FAM53A: variants seen among roughly 807,000 people sequenced by gnomAD.
FAM53A encodes protein FAM53A.
In FAM53A, 28 loss-of-function variants were observed where a neutral mutation model predicts 26.6. That is an observed-to-expected ratio of 1.05 (90% confidence interval 0.78 to 1.45). The LOEUF is 1.45. Among genes scored for constraint, FAM53A ranks in the 40% most tolerant of loss-of-function variants. The pLI, the probability that FAM53A is intolerant of heterozygous loss-of-function variation, is 0.00. For missense variants in FAM53A, 650 were observed against 575.8 expected (o/e 1.13, Z -1.32); for synonymous variants, 290 against 253.1 (o/e 1.15, Z -1.38).
chr4:1,650,452 G>A (rs1712676612), intron 4 of FAM53A, among the ~76,000 whole-genome samples: 1 of 152,088 alleles, frequency 6.6e-6, no homozygotes, highest in African/African-American at 2.4e-5. Context: ...ACTGTGAGGT[G>A]GCACAGGCGT....
At chr4:1,679,941 C>T (rs1484044012) in intron 1 of FAM53A, among the ~76,000 whole-genome samples, 1 of 149,762 alleles carries the variant, frequency 6.7e-6, no homozygotes, top group Non-Finnish European at 1.5e-5. Context: ...CGCAGCTACT[C>T]GGGAGGATGA....
intron 3 of FAM53A, among the ~76,000 whole-genome samples, chr4:1,657,045 C>T (rs781186510): frequency 2.4e-4 from 36 of 152,240 alleles, no homozygotes; most frequent in Non-Finnish European, 3.2e-4. Context: ...TGCCATGGCA[C>T]GCTCCAGCTG....
chr4:1,651,699 C>A (rs187015751), intron 4 of FAM53A, among the ~76,000 whole-genome samples: 2 of 151,882 alleles, frequency 1.3e-5, no homozygotes, highest in Admixed American at 6.6e-5. Flanking sequence ...GGGTGACCAG[C>A]GCTTGCATGG....
Position 1,641,616 on chromosome 4 carries a change from GA to G in FAM53A, c.883-10del, listed in dbSNP as rs1457889578. 1 of 1,613,894 alleles carries G rather than the reference GA, an allele frequency of 6.2e-7. No individual in the cohort carries two copies. Among genetic ancestry groups the G allele is most frequent in the Non-Finnish European group, 8.5e-7 (1 of 1,179,868 alleles). On this transcript the variant is annotated splice_polypyrimidine_tract_variant and intron_variant, in intron 4 of 4. Coordinates refer to ENST00000308132, the MANE Select transcript of FAM53A (RefSeq NM_001174070.3). The stretch of plus-strand genomic sequence containing the variant: ...TTTGAATTTTTTAAAGTCTGCAATA[GA>G]AAAGATACGGGCTTAAAGCATTTCT...
At chr4:1,612,329 G>A in the FAM53A span, among the ~76,000 whole-genome samples, 29 of 152,274 alleles carry the variant, frequency 1.9e-4, no homozygotes, top group South Asian at 2.7e-3. Flanking sequence ...ACACCAGGTC[G>A]TGCAAGACCT....
At chr4:1,666,581 G>A (rs1325514344) in intron 2 of FAM53A, among the ~76,000 whole-genome samples, 1 of 152,240 alleles carries the variant, frequency 6.6e-6, no homozygotes, top group Non-Finnish European at 1.5e-5. Context: ...AGCTGCGCAC[G>A]CCCTGGCTGA....
At chr4:1,618,126 G>A in intron 1 of FAM53A, 1 of 456,340 alleles carries the variant, frequency 2.2e-6, no homozygotes, top group Non-Finnish European at 4.4e-6. Context: ...AAGGAAGACA[G>A]AGGCAGGTGA....
rs1387417708 is a variant in FAM53A at position 1,650,125 on chromosome 4, A to G, written c.882+4853T>C. Among the ~76,000 whole-genome samples, 757 of 85,242 alleles carry G rather than the reference A, an allele frequency of 8.9e-3. 25 individuals carry two copies. Among genetic ancestry groups the G allele is most frequent in the African/African-American group, 0.032 (685 of 21,102 alleles). 55.9% of individuals were successfully genotyped at this position (85,242 alleles called of 152,430 possible). A position where few individuals can be genotyped will look rare whatever the true frequency, so the allele number is the denominator to read the frequency against. On this transcript the variant is annotated intron_variant, in intron 4 of 4. Transcript: ENST00000308132. ...CGTTTGACTGTGAGGTGGCACAGTCATGGTGTTTGACTGTGAGGTGGCACA... is the reference window on the plus strand; with the variant it reads ...CGTTTGACTGTGAGGTGGCACAGTCGTGGTGTTTGACTGTGAGGTGGCACA...
chr4:1,645,206 G>C (rs1022571820), intron 4 of FAM53A, among the ~76,000 whole-genome samples: 8 of 138,104 alleles, frequency 5.8e-5, no homozygotes, highest in Non-Finnish European at 1.3e-4. Flanking sequence ...GGAGGCACAG[G>C]CCGGCCAAGC....
At chr4:1,677,910 G>GC (rs1560212160) in intron 1 of FAM53A, among the ~76,000 whole-genome samples, 1 of 152,062 alleles carries the variant, frequency 6.6e-6, no homozygotes, top group Non-Finnish European at 1.5e-5. Context: ...GCACCACTGC[G>GC]CCCCAGCCTG....
chr4:1,676,189 C>G (rs2109045716), intron 1 of FAM53A, among the ~76,000 whole-genome samples: 1 of 152,332 alleles, frequency 6.6e-6, no homozygotes, highest in South Asian at 2.1e-4. Context: ...GCTGGGAGTC[C>G]AGGACCAAGA....
At chr4:1,650,031 G>C (rs1712621858) in intron 4 of FAM53A, among the ~76,000 whole-genome samples, 1 of 132,538 alleles carries the variant, frequency 7.5e-6, no homozygotes, top group East Asian at 2.3e-4. Flanking sequence ...TGACTGTGAG[G>C]TGGCACAGGC....
At chr4:1,587,240 G>A in the FAM53A span, among the ~76,000 whole-genome samples, 23 of 152,220 alleles carry the variant, frequency 1.5e-4, no homozygotes, top group Admixed American at 4.6e-4. Flanking sequence ...ACTTTTTAGT[G>A]TGACATACTT....
At chr4:1,593,583 G>A in the FAM53A span, among the ~76,000 whole-genome samples, 3,666 of 152,268 alleles carry the variant, frequency 0.024, 67 homozygotes, top group Middle Eastern at 0.068. Flanking sequence ...GAGGGATGGC[G>A]TCATTTGTCC....
the FAM53A span, among the ~76,000 whole-genome samples, chr4:1,581,373 A>G: frequency 5.3e-5 from 8 of 152,094 alleles, no homozygotes; most frequent in Non-Finnish European, 7.3e-5. Flanking sequence ...CCAGACTTTC[A>G]TCATAATGTC....
chr4:1,642,699 A>G (rs1341707440), intron 4 of FAM53A, among the ~76,000 whole-genome samples: 1 of 148,344 alleles, frequency 6.7e-6, no homozygotes. Context: ...CCTTGCCTCA[A>G]GTCCCCCGTC....
chr4:1,626,006 C>T lies in FAM53A; in HGVS notation c.432-7895G>A, dbSNP rs73795185. On this transcript the variant is annotated intron_variant, in intron 1 of 1. Coordinates refer to the FAM53A transcript ENST00000489029. ...CCACAGGATCCTCTGCAGAGCCTTC[C>T]AGGAGGCGGCCCAGCATGTTTTTCC... 1.2e-3 allele frequency among the ~76,000 whole-genome samples: 180 copies of T among 152,304 alleles called. 1 individual carries two copies. Among genetic ancestry groups the T allele is most frequent in the African/African-American group, 4.2e-3 (173 of 41,560 alleles).
chr4:1,678,822 A>C (rs1200465408), intron 1 of FAM53A, among the ~76,000 whole-genome samples: 3 of 151,820 alleles, frequency 2.0e-5, no homozygotes, highest in Non-Finnish European at 4.4e-5. Context: ...ACTCCATCTC[A>C]AAAAAAAGAC....
chr4:1,665,233 G>A (rs1714137125), intron 2 of FAM53A, among the ~76,000 whole-genome samples: 1 of 152,050 alleles, frequency 6.6e-6, no homozygotes, highest in South Asian at 2.1e-4. Flanking sequence ...CAAGAGAATT[G>A]CTTGAATGCG....
Sources: gnomAD v4.1 joint callset for allele counts (sites outside exome capture counted in the v4.1 genomes callset) on GRCh38, gnomAD v4.1.1 for gene constraint, MANE v1.5 for transcripts, NCBI Gene and HGNC (gene_info 2026-07-23, HGNC 2026-07-21) for gene names.